Variants in SH2D4B observed in about 807,000 individuals in gnomAD.
SH2D4B encodes the protein SH2 domain-containing protein 4B.
SH2D4B carries 45 observed loss-of-function variants against 61.5 expected under a neutral mutation model. The ratio of observed to expected loss-of-function variants is 0.73; its 90% CI spans 0.58 to 0.94. The LOEUF is 0.94. SH2D4B is among the 40% of genes least tolerant of loss of function. The pLI is 0.00. For synonymous variants in SH2D4B, 224 were observed against 220.4 expected (o/e 1.02, Z -0.14); for missense variants, 572 against 574.2 (o/e 1.00, Z 0.04).
Position 80,644,773 on chromosome 10 carries a change from T to C in SH2D4B, c.*688T>C, listed in dbSNP as rs916586532. 2.0e-5 allele frequency: 3 copies of C among 152,246 alleles called. No individual in the cohort carries two copies. The highest frequency in any genetic ancestry group is 7.2e-5 in the African/African-American group (3 of 41,460). 9.4% of individuals were successfully genotyped at this position (152,246 alleles called of 1,614,324 possible). A position where few individuals can be genotyped will look rare whatever the true frequency, so the allele number is the denominator to read the frequency against. ...TCATATTTTGGCCTTGGTTTTGCAA[T>C]GGTTTTATGTCATCCTACAGATGTC... On this transcript the variant is annotated 3_prime_UTR_variant, in exon 8 of 8. Transcript: ENST00000646907.
chr10:80,592,463 A>G lies in SH2D4B; in HGVS notation c.643+3686A>G, dbSNP rs1842340407. On this transcript the variant is annotated intron_variant, in intron 4 of 7. Transcript: ENST00000646907. ...ACCATTGCCTAATCCAAGGAAGGTC[A>G]CACTGGCTTACACCTATCTTTGTTC... Among the ~76,000 whole-genome samples, 3 of 152,344 alleles carry G rather than the reference A, an allele frequency of 2.0e-5. No homozygotes were observed. The South Asian group carries it at 6.2e-4, about 32-fold the overall frequency.
chr10:80,541,181 T>C (rs888523751), intron 1 of SH2D4B, among the ~76,000 whole-genome samples: 1 of 152,168 alleles, frequency 6.6e-6, no homozygotes, highest in Non-Finnish European at 1.5e-5. Flanking sequence ...GAGGAGGAGA[T>C]TTCAGGGAAC....
At chr10:80,640,521 G>A (rs1165693585) in intron 7 of SH2D4B, among the ~76,000 whole-genome samples, 8 of 151,794 alleles carry the variant, frequency 5.3e-5, no homozygotes, top group East Asian at 3.9e-4. Context: ...TTCTCTTCTC[G>A]CTTTATTTCA....
intron 7 of SH2D4B, among the ~76,000 whole-genome samples, chr10:80,640,008 G>GC (rs1840261115): frequency 6.6e-6 from 1 of 152,136 alleles, no homozygotes; most frequent in South Asian, 2.1e-4. Context: ...CTCAGCATTT[G>GC]CTTGTGTGTA....
chr10:80,598,874 T>C (rs1025262559), intron 4 of SH2D4B, among the ~76,000 whole-genome samples: 7 of 151,994 alleles, frequency 4.6e-5, no homozygotes, highest in African/African-American at 1.5e-4. Context: ...TGAGAAATGA[T>C]ATTATTTGTA....
rs1483386352 is a variant in SH2D4B at position 80,540,875 on chromosome 10, G to T, written c.184+2360G>T. 14 of 1,551,526 alleles carry T rather than the reference G, an allele frequency of 9.0e-6. No homozygotes were observed. The South Asian group carries it at 1.5e-4, about 17-fold the overall frequency. ...TTGTGCGGGGACGGGCTCCACGGAG[G>T]AATCTTCTCTTCCTTCCCTTGATGT... On this transcript the variant is annotated intron_variant, in intron 1 of 7. Coordinates refer to ENST00000646907, the MANE Select transcript of SH2D4B (RefSeq NM_001388272.1).
intron 4 of SH2D4B, among the ~76,000 whole-genome samples, chr10:80,594,006 T>A (rs560084475): frequency 3.7e-4 from 56 of 152,038 alleles, no homozygotes; most frequent in African/African-American, 1.4e-3. Context: ...AGCGACGGGG[T>A]TTTGCCATGT....
At chr10:80,569,755 A>G (rs1053299846) in intron 1 of SH2D4B, among the ~76,000 whole-genome samples, 1 of 152,186 alleles carries the variant, frequency 6.6e-6, no homozygotes, top group African/African-American at 2.4e-5. Context: ...ACTATACACT[A>G]AATTCCTCCC....
chr10:80,635,558 C>T (rs1395598032), intron 7 of SH2D4B, among the ~76,000 whole-genome samples: 3 of 152,158 alleles, frequency 2.0e-5, no homozygotes, highest in Non-Finnish European at 4.4e-5. Flanking sequence ...GGAGAATCAC[C>T]TATTCACAGA....
rs144188996 is a variant in SH2D4B at position 80,626,705 on chromosome 10, C to A, written c.989-7580C>A. ...TCATTACTACCCCTCACTGCTTACA[C>A]AGAATCTATCTGGCCTTCAAGGCCC... On this transcript the variant is annotated intron_variant, in intron 6 of 7. Transcript: ENST00000646907. 1.1e-4 allele frequency among the ~76,000 whole-genome samples: 17 copies of A among 152,368 alleles called. No individual in the cohort carries two copies. The East Asian group carries it at 2.9e-3, about 26-fold the overall frequency.
intron 4 of SH2D4B, among the ~76,000 whole-genome samples, chr10:80,591,910 CAG>C (rs1273907046): frequency 6.6e-6 from 1 of 152,294 alleles, no homozygotes; most frequent in African/African-American, 2.4e-5. Context: ...TTCTTGAAGG[CAG>C]AGTCTTCATG....
chr10:80,632,268 T>G (rs1842841499), intron 6 of SH2D4B, among the ~76,000 whole-genome samples: 1 of 152,094 alleles, frequency 6.6e-6, no homozygotes, highest in Admixed American at 6.6e-5. Context: ...GAGGGTAGAT[T>G]TTTAAGTGTT....
chr10:80,612,216 A>G (rs1842611474), intron 6 of SH2D4B, among the ~76,000 whole-genome samples: 1 of 128,780 alleles, frequency 7.8e-6, no homozygotes, highest in African/African-American at 3.1e-5. Context: ...ACTCACTTAT[A>G]AAATCCCAAA....
intron 3 of SH2D4B, among the ~76,000 whole-genome samples, chr10:80,587,204 C>G (rs145728946): frequency 7.3e-6 from 1 of 137,800 alleles, no homozygotes; most frequent in Non-Finnish European, 1.5e-5. Flanking sequence ...GGCGCGATCT[C>G]GGCTCACTGC....
intron 1 of SH2D4B, among the ~76,000 whole-genome samples, chr10:80,563,511 A>G (rs534104816): frequency 2.6e-5 from 4 of 152,342 alleles, no homozygotes; most frequent in Non-Finnish European, 5.9e-5. Context: ...TTATAGCCAA[A>G]AAATAATTGC....
intron 3 of SH2D4B, among the ~76,000 whole-genome samples, chr10:80,574,197 C>T (rs1589340868): frequency 6.6e-6 from 1 of 152,288 alleles, no homozygotes; most frequent in East Asian, 1.9e-4. Context: ...AGTGCAGTGG[C>T]ACAATCTCAG....
At chr10:80,636,150 G>A (rs1840161790) in intron 7 of SH2D4B, among the ~76,000 whole-genome samples, 1 of 152,172 alleles carries the variant, frequency 6.6e-6, no homozygotes, top group Non-Finnish European at 1.5e-5. Context: ...TGGCTGCATA[G>A]TATTCCATGG....
Position 80,644,047 on chromosome 10 carries a change from A to G in SH2D4B, c.1264A>G (p.Arg422Gly). The G allele has an allele frequency of 6.2e-7, 1 of 1,613,978 alleles. No individual in the cohort carries two copies. Among genetic ancestry groups the G allele is most frequent in the Non-Finnish European group, 8.5e-7 (1 of 1,179,920 alleles). The change falls in exon 8 of 8, where the codon AGG becomes GGG. Residue 422 changes from arginine (R) to glycine (G), a missense_variant. Arg to Gly is a moderately radical substitution (Grantham distance 125, BLOSUM62 -2). Transcript: ENST00000646907. ...GELLQEPCGQ[R>G]DSPPDYHLLF... Reference sequence around the variant, plus strand: ...GTTACTTCAGGAACCCTGCGGACAGAGGGACAGCCCACCAGACTACCATCT... The same window carrying G: ...GTTACTTCAGGAACCCTGCGGACAGGGGGACAGCCCACCAGACTACCATCT...
chr10:80,622,473 T>A (rs367758276), intron 6 of SH2D4B, among the ~76,000 whole-genome samples: 39 of 152,210 alleles, frequency 2.6e-4, no homozygotes, highest in East Asian at 1.7e-3. Context: ...GCTTGTGTAG[T>A]TTTTGTGTAG....
Sources: gnomAD v4.1 joint callset for allele counts (sites outside exome capture counted in the v4.1 genomes callset) on GRCh38, gnomAD v4.1.1 for gene constraint, MANE v1.5 for transcripts, NCBI Gene and HGNC (gene_info 2026-07-23, HGNC 2026-07-21) for gene names.